CNTN5: variants seen among roughly 807,000 people sequenced by gnomAD.
CNTN5 encodes the protein contactin 5.
Under a neutral mutation model 129.1 loss-of-function variants are expected in CNTN5, and 77 were observed. The observed-to-expected ratio is 0.60, with a 90% CI of 0.50 to 0.72. The LOEUF is 0.72. Among genes scored for constraint, CNTN5 ranks in the 30% least tolerant of loss-of-function variants. CNTN5 has a pLI of 0.00. For synonymous variants in CNTN5, 509 were observed against 465.6 expected, an observed-to-expected ratio of 1.09 and a Z score of -1.20; for missense variants, 1,478 against 1,328.8, an observed-to-expected ratio of 1.11 and a Z score of -1.75.
intron 15 of CNTN5, among the ~76,000 whole-genome samples, chr11:100,217,236 G>C (rs769541970): frequency 7.5e-6 from 1 of 132,776 alleles, no homozygotes; most frequent in East Asian, 2.3e-4. Flanking sequence ...ATGATAAAAA[G>C]ATAGCATATT....
At chr11:100,335,098 G>A (rs929226901) in intron 21 of CNTN5, among the ~76,000 whole-genome samples, 1 of 152,030 alleles carries the variant, frequency 6.6e-6, no homozygotes, top group Non-Finnish European at 1.5e-5. Context: ...CATGTGTAGT[G>A]GGCAGGGAGA....
intron 3 of CNTN5, among the ~76,000 whole-genome samples, chr11:99,674,905 C>A (rs1183341828): frequency 6.6e-6 from 1 of 152,124 alleles, no homozygotes; most frequent in African/African-American, 2.4e-5. Flanking sequence ...CTTTCTCTTA[C>A]CCTTCCATCT....
At chr11:99,731,142 T>C (rs1199870689) in intron 3 of CNTN5, among the ~76,000 whole-genome samples, 1 of 151,886 alleles carries the variant, frequency 6.6e-6, no homozygotes, top group Non-Finnish European at 1.5e-5. Flanking sequence ...GGAGTCTTGC[T>C]CTGTCGCCCA....
At chr11:99,373,447 C>A (rs1446000290) in intron 2 of CNTN5, among the ~76,000 whole-genome samples, 3 of 151,770 alleles carry the variant, frequency 2.0e-5, no homozygotes, top group African/African-American at 7.3e-5. Context: ...GGCGTGGTGG[C>A]TCATGCCTGT....
intron 7 of CNTN5, among the ~76,000 whole-genome samples, chr11:99,946,001 A>G (rs893681929): frequency 1.3e-5 from 2 of 152,184 alleles, no homozygotes; most frequent in East Asian, 3.9e-4. Context: ...GTTGTTTGAC[A>G]TAAAGTATCT....
At chr11:99,891,945 C>A (rs900875318) in intron 6 of CNTN5, among the ~76,000 whole-genome samples, 3 of 152,186 alleles carry the variant, frequency 2.0e-5, no homozygotes, top group African/African-American at 2.4e-5. Context: ...ACACTCCCAA[C>A]AACAGTGTAA....
At chr11:99,974,594 C>T (rs1179311550) in intron 8 of CNTN5, among the ~76,000 whole-genome samples, 2 of 152,060 alleles carry the variant, frequency 1.3e-5, no homozygotes, top group Non-Finnish European at 2.9e-5. Flanking sequence ...GGAAAGAATC[C>T]ATCAAATTTA....
At chr11:100,066,994 T>C (rs1278892692) in intron 10 of CNTN5, among the ~76,000 whole-genome samples, 1 of 152,098 alleles carries the variant, frequency 6.6e-6, no homozygotes. Context: ...TTTTTAATGT[T>C]TTATTTTAAA....
intron 2 of CNTN5, among the ~76,000 whole-genome samples, chr11:99,328,243 A>T (rs1865862567): frequency 6.6e-6 from 1 of 152,218 alleles, no homozygotes; most frequent in Admixed American, 6.5e-5. Context: ...AATTGACAAA[A>T]TAATGAAGGA....
At chr11:99,989,365 G>A (rs1304939832) in intron 8 of CNTN5, among the ~76,000 whole-genome samples, 1 of 152,020 alleles carries the variant, frequency 6.6e-6, no homozygotes, top group African/African-American at 2.4e-5. Flanking sequence ...GCTGTTGGAA[G>A]CAGAATCCTA....
intron 1 of CNTN5, among the ~76,000 whole-genome samples, chr11:99,186,580 A>C (rs1858362528): frequency 6.6e-6 from 1 of 151,994 alleles, no homozygotes; most frequent in Non-Finnish European, 1.5e-5. Context: ...ATACCACTGT[A>C]AGAGAATGGT....
chr11:99,721,076 C>T (rs1943155827), intron 3 of CNTN5, among the ~76,000 whole-genome samples: 2 of 152,082 alleles, frequency 1.3e-5, no homozygotes, highest in African/African-American at 4.8e-5. Context: ...AAGCAATTTA[C>T]AGATTCAATG....
intron 1 of CNTN5, among the ~76,000 whole-genome samples, chr11:99,082,401 TC>T (rs1865840298): frequency 6.6e-6 from 1 of 152,182 alleles, no homozygotes; most frequent in African/African-American, 2.4e-5. Context: ...GCCAGGGTGG[TC>T]TCGATCTCTT....
At chr11:99,803,895 T>A (rs1238315415) in intron 3 of CNTN5, among the ~76,000 whole-genome samples, 1 of 152,200 alleles carries the variant, frequency 6.6e-6, no homozygotes, top group African/African-American at 2.4e-5. Flanking sequence ...CTCACAGAAT[T>A]GATCTTTACG....
At position 100,074,200 on chromosome 11, in the gene CNTN5, G is replaced by A; in HGVS notation, c.1486G>A (p.Asp496Asn). The A allele has an allele frequency of 6.2e-7, 1 of 1,612,510 alleles. No individual in the cohort carries two copies. Among genetic ancestry groups the A allele is most frequent in the Non-Finnish European group, 8.5e-7 (1 of 1,179,198 alleles). The stretch of plus-strand genomic sequence containing the variant: ...GAAGAAAACAATAATTGTTACCAAA[G>A]ACCAAGAAGTTGTCATAGAGTGCAA... ...QLKKTIIVTK[D>N]QEVVIECKPQ... The change falls in exon 13 of 25, where the codon GAC becomes AAC. Residue 496 changes from aspartate to asparagine, a missense_variant. Asp to Asn is a conservative substitution (Grantham distance 23, BLOSUM62 1). Transcript: ENST00000524871.
At chr11:99,784,138 C>A (rs2583149) in intron 3 of CNTN5, among the ~76,000 whole-genome samples, 86,625 of 151,822 alleles carry the variant, frequency 0.57, 25,217 homozygotes, top group East Asian at 0.71. Context: ...AACCCAGGTT[C>A]AGAACTTTTT....
intron 13 of CNTN5, among the ~76,000 whole-genome samples, chr11:100,182,842 C>A (rs1219423560): frequency 1.3e-5 from 2 of 151,710 alleles, no homozygotes; most frequent in Admixed American, 6.6e-5. Flanking sequence ...TTGAGAAATG[C>A]CACAGACTGG....
intron 2 of CNTN5, among the ~76,000 whole-genome samples, chr11:99,384,348 C>A (rs1260307818): frequency 6.6e-6 from 1 of 152,122 alleles, no homozygotes; most frequent in Non-Finnish European, 1.5e-5. Flanking sequence ...TGTAAAAATA[C>A]AAATATACTT....
intron 9 of CNTN5, among the ~76,000 whole-genome samples, chr11:100,045,920 C>T: frequency 6.6e-6 from 1 of 152,104 alleles, no homozygotes; most frequent in East Asian, 1.9e-4. Context: ...TGAAGAAAGA[C>T]ATCAAACACT....
Sources: gnomAD v4.1 joint callset for allele counts (sites outside exome capture counted in the v4.1 genomes callset) on GRCh38, gnomAD v4.1.1 for gene constraint, MANE v1.5 for transcripts, NCBI Gene and HGNC (gene_info 2026-07-23, HGNC 2026-07-21) for gene names.